Variants in ARL14EP observed in about 807,000 individuals in gnomAD.
The protein encoded by ARL14EP is ARL14 effector protein.
ARL14EP carries 12 observed loss-of-function variants against 23.1 expected under a neutral mutation model. That is an observed-to-expected ratio of 0.52 (90% CI 0.33 to 0.84). The LOEUF (loss-of-function observed/expected upper bound fraction) is 0.84, where lower values mean the gene tolerates loss of function less well. Among genes scored for constraint, ARL14EP ranks in the 40% least tolerant of loss-of-function variants. ARL14EP has a pLI of 0.02. For synonymous variants in ARL14EP, 97 were observed against 102.0 expected (o/e 0.95, Z 0.29); for missense variants, 253 against 307.3 (o/e 0.82, Z 1.32).
At chr11:30,328,132 A>G (rs1415470749) in intron 1 of ARL14EP, 1 of 151,884 alleles carries the variant, frequency 6.6e-6, no homozygotes, top group Admixed American at 6.6e-5. Context: ...TTTGAAGAAA[A>G]AAAAAATTTT....
chr11:30,330,726 C>T (rs1392339318), intron 1 of ARL14EP, 160 bp from the exon 2 acceptor site: 4 of 494,636 alleles, frequency 8.1e-6, no homozygotes, highest in Admixed American at 3.6e-5. Flanking sequence ...TTACAGGGAA[C>T]GCTTCTGTTT....
intron 3 of ARL14EP, among the ~76,000 whole-genome samples, chr11:30,335,761 AAT>A (rs71060445): frequency 0.029 from 3,809 of 129,914 alleles, 67 homozygotes; most frequent in Non-Finnish European, 0.038. Context: ...AAAGCAAAAA[AAT>A]ATATATATAT....
chr11:30,331,790 A>T lies in ARL14EP; in HGVS notation c.426+416A>T, dbSNP rs1014310303. On this transcript the variant is annotated intron_variant, in intron 2 of 3. Coordinates refer to ENST00000282032, the MANE Select transcript of ARL14EP (RefSeq NM_152316.3). ...CTTGGAAATCACTGCTTTAAAAGGA[A>T]CATTAGAGAGGTGACTTACAGTAAT... 5 of 1,006,216 alleles carry T rather than the reference A, an allele frequency of 5.0e-6. No individual in the cohort carries two copies. In the African/African-American group the frequency reaches 8.7e-5, roughly 17 times the overall value. 62.3% of individuals were successfully genotyped at this position (1,006,216 alleles called of 1,614,324 possible). A position where few individuals can be genotyped will look rare whatever the true frequency, so the allele number is the denominator to read the frequency against.
intron 2 of ARL14EP, among the ~76,000 whole-genome samples, chr11:30,332,287 A>G (rs551078015): frequency 8.6e-5 from 13 of 150,838 alleles, no homozygotes; most frequent in African/African-American, 2.7e-4. Flanking sequence ...TTCATACTAG[A>G]TACTTGCTGA....
At position 30,336,758 on chromosome 11, in the gene ARL14EP, AAGG is replaced by A; in HGVS notation, c.752_754del (p.Gly251del). ...TGGCTGTATGAGCAAATTGAAATTG[AAGG>A]AGGAGAAATAATTCATAATAAACAT... On this transcript the variant is annotated inframe_deletion, in exon 4 of 4. Transcript: ENST00000282032. 6.2e-7 allele frequency: 1 copy of A among 1,614,118 alleles called. No individual in the cohort carries two copies. Among genetic ancestry groups the A allele is most frequent in the Non-Finnish European group, 8.5e-7 (1 of 1,179,992 alleles).
intron 1 of ARL14EP, chr11:30,329,989 T>C (rs1405729605): frequency 6.6e-5 from 10 of 152,100 alleles, no homozygotes; most frequent in African/African-American, 2.4e-4. Flanking sequence ...AAACCTTCTT[T>C]ATTTTCTCAT....
intron 1 of ARL14EP, among the ~76,000 whole-genome samples, chr11:30,325,540 T>C (rs1205272962): frequency 2.6e-5 from 4 of 152,164 alleles, no homozygotes; most frequent in African/African-American, 9.7e-5. Context: ...AAAACCTGGA[T>C]TTTATTTATA....
chr11:30,330,915 A>T lies in ARL14EP; in HGVS notation c.-34A>T, dbSNP rs199851936. ...ATCAGCCCATGACCTAAACCTCCAG[A>T]CAAAATAAAACGGAAAATTTGCTAG... is the stretch of plus-strand genomic sequence containing the variant. On this transcript the variant is annotated 5_prime_UTR_variant, in exon 2 of 4. Coordinates refer to ENST00000282032, the MANE Select transcript of ARL14EP (RefSeq NM_152316.3). 4.0e-5 allele frequency: 62 copies of T among 1,532,530 alleles called. No homozygotes were observed. Among genetic ancestry groups the T allele is most frequent in the Middle Eastern group, 3.4e-4 (2 of 5,896 alleles). 94.9% of individuals were successfully genotyped at this position (1,532,530 alleles called of 1,614,324 possible). A position where few individuals can be genotyped will look rare whatever the true frequency, so the allele number is the denominator to read the frequency against.
At position 30,338,199 on chromosome 11, in the gene ARL14EP, T is replaced by C. The variant is rs555636707; in HGVS notation, c.*1404T>C. ...AATATATTTCTCTTCTCCCCACTTA[T>C]TCAAATAAAAAAGTTTTAATACTAT... On this transcript the variant is annotated 3_prime_UTR_variant, in exon 4 of 4. Transcript: ENST00000282032. 3.3e-5 allele frequency: 5 copies of C among 152,368 alleles called. No homozygotes were observed. The highest frequency in any genetic ancestry group is 3.9e-4 in the East Asian group (2 of 5,188). The allele number at this position is 152,368 out of a possible 1,614,324, so 9.4% of individuals were successfully genotyped here.
intron 1 of ARL14EP, 55 bp from the exon 2 acceptor site, chr11:30,330,831 A>T: frequency 1.1e-6 from 1 of 934,774 alleles, no homozygotes; most frequent in Admixed American, 2.5e-5. Context: ...ATGCTTTTTC[A>T]GTTTCCTAGA....
intron 1 of ARL14EP, among the ~76,000 whole-genome samples, chr11:30,327,234 A>T (rs1399902695): frequency 1.3e-5 from 2 of 152,188 alleles, no homozygotes; most frequent in African/African-American, 4.8e-5. Context: ...TACAGAGTCT[A>T]TTCCATTAGT....
intron 3 of ARL14EP, among the ~76,000 whole-genome samples, chr11:30,335,314 G>A (rs1450433936): frequency 6.6e-6 from 1 of 152,214 alleles, no homozygotes; most frequent in Non-Finnish European, 1.5e-5. Context: ...TGGTGAGGAT[G>A]CTGTTAACAT....
intron 1 of ARL14EP, chr11:30,329,413 A>T (rs1226294181): frequency 6.6e-6 from 1 of 152,280 alleles, no homozygotes; most frequent in South Asian, 2.1e-4. Context: ...GTTTTCGTAT[A>T]TAACTTGTGC....
intron 3 of ARL14EP, among the ~76,000 whole-genome samples, chr11:30,335,865 A>G (rs1449828055): frequency 2.6e-5 from 4 of 152,008 alleles, no homozygotes; most frequent in East Asian, 1.9e-4. Context: ...CCTGTAATTC[A>G]TATATCTCCG....
At chr11:30,329,749 T>C (rs1468349088) in intron 1 of ARL14EP, 2 of 152,178 alleles carry the variant, frequency 1.3e-5, no homozygotes, top group Non-Finnish European at 2.9e-5. Flanking sequence ...TATATTTGTT[T>C]AGTTTTCCAG....
rs1947275980 is a variant in ARL14EP, at chr11:30,330,791, T to G, written c.-63-95T>G. 16 of 673,366 alleles carry G rather than the reference T, an allele frequency of 2.4e-5. No individual in the cohort carries two copies. The South Asian group carries it at 2.9e-4, about 12-fold the overall frequency. The allele number at this position is 673,366 out of a possible 1,614,324, so 41.7% of individuals were successfully genotyped here. A position where few individuals can be genotyped will look rare whatever the true frequency, so the allele number is the denominator to read the frequency against. ...ATAAATACCTTTTTTATTCCTTATTTTCTTTTAGATAGGTGTTGAATTTTA... is the reference window on the plus strand; with the variant it reads ...ATAAATACCTTTTTTATTCCTTATTGTCTTTTAGATAGGTGTTGAATTTTA... On this transcript the variant is annotated intron_variant, in intron 1 of 3. Coordinates refer to ENST00000282032, the MANE Select transcript of ARL14EP (RefSeq NM_152316.3).
Position 30,338,144 on chromosome 11 carries a change from T to C in ARL14EP, c.*1349T>C, listed in dbSNP as rs1947349050. On this transcript the variant is annotated 3_prime_UTR_variant, in exon 4 of 4. Transcript: ENST00000282032. ...CCGACTAGTTGAGTATTAAACTGTT[T>C]TGGAAATAATTTATATATCTAAGTG... 6.6e-6 allele frequency: 1 copy of C among 152,196 alleles called. No individual in the cohort carries two copies. Among genetic ancestry groups the C allele is most frequent in the Admixed American group, 6.5e-5 (1 of 15,282 alleles). The allele number at this position is 152,196 out of a possible 1,614,324, so 9.4% of individuals were successfully genotyped here.
chr11:30,334,564 G>A (rs1947317469), intron 3 of ARL14EP, among the ~76,000 whole-genome samples: 1 of 152,044 alleles, frequency 6.6e-6, no homozygotes, highest in African/African-American at 2.4e-5. Context: ...AGCTAGAGAG[G>A]GGAAGTCTAT....
Position 30,337,513 on chromosome 11 carries a change from A to G in ARL14EP, c.*718A>G, listed in dbSNP as rs1356925080. 1 of 152,294 alleles carries G rather than the reference A, an allele frequency of 6.6e-6. No homozygotes were observed. Among genetic ancestry groups the G allele is most frequent in the African/African-American group, 2.4e-5 (1 of 41,460 alleles). 9.4% of individuals were successfully genotyped at this position (152,294 alleles called of 1,614,324 possible). A position where few individuals can be genotyped will look rare whatever the true frequency, so the allele number is the denominator to read the frequency against. On this transcript the variant is annotated 3_prime_UTR_variant, in exon 4 of 4. Coordinates refer to ENST00000282032, the MANE Select transcript of ARL14EP (RefSeq NM_152316.3). ...AATGAATTTGTAGAAGAAGTCACTG[A>G]CCATGGGAATGTTGTTCTTGCTGCT...
Sources: allele counts gnomAD v4.1 joint callset (sites outside exome capture counted in the v4.1 genomes callset), GRCh38; gene constraint gnomAD v4.1.1; transcripts MANE v1.5; gene names NCBI Gene and HGNC (gene_info 2026-07-23, HGNC 2026-07-21).